The following DLGAP2 variants were observed in gnomAD, a reference collection of about 807,000 sequenced individuals.
DLGAP2 encodes the protein DLG associated protein 2.
DLGAP2 carries 26 observed loss-of-function variants against 100.3 expected under a neutral mutation model. The ratio of observed to expected loss-of-function variants is 0.26; its 90% confidence interval spans 0.19 to 0.36. The LOEUF is 0.36. Among genes scored for constraint, DLGAP2 ranks in the 10% least tolerant of loss-of-function variants. The pLI, the probability that DLGAP2 is intolerant of heterozygous loss-of-function variation, is 1.00. For synonymous variants in DLGAP2, 886 were observed against 630.1 expected (o/e 1.41, Z -6.08); for missense variants, 1,858 against 1,453.2 (o/e 1.28, Z -4.53).
chr8:1,114,131 T>A (rs950284742), intron 2 of DLGAP2, among the ~76,000 whole-genome samples: 11 of 152,298 alleles, frequency 7.2e-5, no homozygotes, highest in African/African-American at 2.6e-4. Context: ...TTCATCGATG[T>A]TCATCAAGGA....
chr8:1,482,400 C>T (rs1041945488), intron 3 of DLGAP2, among the ~76,000 whole-genome samples: 2 of 152,258 alleles, frequency 1.3e-5, no homozygotes, highest in African/African-American at 4.8e-5. Context: ...ACACTAGAAA[C>T]ATAGCCTAGC....
intron 2 of DLGAP2, among the ~76,000 whole-genome samples, chr8:1,160,151 A>G (rs1035225615): frequency 6.6e-6 from 1 of 152,162 alleles, no homozygotes; most frequent in Non-Finnish European, 1.5e-5. Flanking sequence ...GCTGTGCACT[A>G]TTTGGCAATG....
At chr8:859,180 C>G (rs1201373135) in intron 1 of DLGAP2, among the ~76,000 whole-genome samples, 2 of 151,012 alleles carry the variant, frequency 1.3e-5, no homozygotes, top group African/African-American at 2.4e-5. Flanking sequence ...GGCGCAATCT[C>G]AGCTCACTGC....
At chr8:1,177,906 A>G (rs542155207) in intron 2 of DLGAP2, among the ~76,000 whole-genome samples, 1 of 152,296 alleles carries the variant, frequency 6.6e-6, no homozygotes, top group East Asian at 1.9e-4. Context: ...TTTCAGGGAG[A>G]TGCATTCCGG....
At chr8:774,214 AT>A in intron 1 of DLGAP2, among the ~76,000 whole-genome samples, 1 of 152,080 alleles carries the variant, frequency 6.6e-6, no homozygotes, top group East Asian at 1.9e-4. Context: ...TTTCTTGTAA[AT>A]TTGTTTGAGT....
At chr8:1,507,657 T>C (rs926320713) in intron 4 of DLGAP2, among the ~76,000 whole-genome samples, 2 of 152,058 alleles carry the variant, frequency 1.3e-5, no homozygotes, top group African/African-American at 2.4e-5. Flanking sequence ...CAGCATGCTG[T>C]CACCTCTCAG....
At chr8:1,096,031 A>G (rs1804354912) in intron 2 of DLGAP2, among the ~76,000 whole-genome samples, 1 of 152,244 alleles carries the variant, frequency 6.6e-6, no homozygotes, top group Non-Finnish European at 1.5e-5. Context: ...AAATGAAGAA[A>G]ATATTCAGTG....
In DLGAP2 at chr8:1,702,049, A is replaced by T. The variant is rs779244436; in HGVS notation, c.*643A>T. 1 of 152,136 alleles carries T rather than the reference A, an allele frequency of 6.6e-6. No homozygotes were observed. Among genetic ancestry groups the T allele is most frequent in the Non-Finnish European group, 1.5e-5 (1 of 68,056 alleles). The allele number at this position is 152,136 out of a possible 1,614,324, so 9.4% of individuals were successfully genotyped here. On this transcript the variant is annotated 3_prime_UTR_variant, in exon 15 of 15. Transcript: ENST00000637795. ...CACTCCCCGCCGTACAGTTCTCCAG[A>T]ATCCCAGGCGATGACAAGTCTGAAC...
At chr8:1,352,045 G>T (rs1307272408) in intron 3 of DLGAP2, among the ~76,000 whole-genome samples, 1 of 67,392 alleles carries the variant, frequency 1.5e-5, no homozygotes, top group Non-Finnish European at 3.2e-5. Flanking sequence ...GGCCGTGCGG[G>T]TCCTGAGTGT....
intron 3 of DLGAP2, among the ~76,000 whole-genome samples, chr8:1,277,267 A>C (rs1799717198): frequency 6.6e-6 from 1 of 152,192 alleles, no homozygotes; most frequent in South Asian, 2.1e-4. Context: ...TGGCAGACGT[A>C]TATCTGTGCC....
intron 3 of DLGAP2, among the ~76,000 whole-genome samples, chr8:1,428,675 T>A (rs558592019): frequency 6.6e-6 from 1 of 152,264 alleles, no homozygotes; most frequent in Non-Finnish European, 1.5e-5. Context: ...AACACAGTGA[T>A]GGCTCTCAAT....
chr8:1,154,505 T>C (rs1388274449), intron 2 of DLGAP2, among the ~76,000 whole-genome samples: 7 of 152,192 alleles, frequency 4.6e-5, no homozygotes, highest in Admixed American at 3.3e-4. Flanking sequence ...GCAGGGAAAA[T>C]TGATCAGAAG....
chr8:841,975 T>A (rs1433406140), intron 1 of DLGAP2, among the ~76,000 whole-genome samples: 1 of 152,200 alleles, frequency 6.6e-6, no homozygotes, highest in Non-Finnish European at 1.5e-5. Flanking sequence ...AGTCTTAACA[T>A]AACGATTTGG....
intron 2 of DLGAP2, among the ~76,000 whole-genome samples, chr8:1,110,076 G>A (rs1447076195): frequency 7.1e-6 from 1 of 139,964 alleles, no homozygotes; most frequent in South Asian, 2.4e-4. Flanking sequence ...GCACAGGTCT[G>A]TGAGGTGTGC....
chr8:1,123,075 ATAAC>A (rs1252867586), intron 2 of DLGAP2, among the ~76,000 whole-genome samples: 3 of 152,258 alleles, frequency 2.0e-5, no homozygotes, highest in Non-Finnish European at 4.4e-5. Context: ...GTATTTGAAA[ATAAC>A]TATGCAAATC....
At chr8:1,452,672 G>T (rs930621279) in intron 3 of DLGAP2, among the ~76,000 whole-genome samples, 3 of 152,216 alleles carry the variant, frequency 2.0e-5, no homozygotes, top group Admixed American at 1.3e-4. Context: ...AACATTATCA[G>T]CAAAGGCTCT....
chr8:1,255,070 G>A (rs560691676), intron 2 of DLGAP2, among the ~76,000 whole-genome samples: 120 of 136,764 alleles, frequency 8.8e-4, no homozygotes, highest in East Asian at 4.5e-3. Context: ...CATCCTGCCC[G>A]GCCGCTGTGT....
chr8:751,012 C>T (rs775691214), intron 1 of DLGAP2, among the ~76,000 whole-genome samples: 4 of 152,202 alleles, frequency 2.6e-5, no homozygotes, highest in East Asian at 1.9e-4. Context: ...TCGGTAGGCA[C>T]GCTGATCTCC....
At chr8:1,058,677 A>T (rs1170425175) in intron 2 of DLGAP2, among the ~76,000 whole-genome samples, 1 of 152,204 alleles carries the variant, frequency 6.6e-6, no homozygotes, top group Non-Finnish European at 1.5e-5. Flanking sequence ...GTTGTCATGT[A>T]TGTGGTTGGT....
Sources: gnomAD v4.1 joint callset for allele counts (sites outside exome capture counted in the v4.1 genomes callset) on GRCh38, gnomAD v4.1.1 for gene constraint, MANE v1.5 for transcripts, NCBI Gene and HGNC (gene_info 2026-07-23, HGNC 2026-07-21) for gene names.